Variants in ACER2 observed in about 807,000 individuals in gnomAD.
ACER2 encodes the protein alkaline ceramidase 2.
In ACER2, 26 loss-of-function variants were observed where a neutral mutation model predicts 34.7. The observed-to-expected ratio is 0.75, with a 90% CI of 0.55 to 1.04. The LOEUF is 1.04. Among genes scored for constraint, ACER2 ranks in the 50% least tolerant of loss-of-function variants. The pLI, the probability that ACER2 is intolerant of heterozygous loss-of-function variation, is 0.00. For synonymous variants in ACER2, 138 were observed against 132.1 expected (o/e 1.04, Z -0.31); for missense variants, 352 against 340.8 (o/e 1.03, Z -0.26).
intron 4 of ACER2, 101 bp downstream of exon 4, chr9:19,435,185 C>A: frequency 7.1e-7 from 1 of 1,409,498 alleles, no homozygotes; most frequent in South Asian, 1.4e-5. Context: ...GAGTTTTATT[C>A]CTTGTGAAGA....
rs1166038328 is a variant in ACER2, at chr9:19,436,000, G to T, written c.503+916G>T. On this transcript the variant is annotated intron_variant, in intron 4 of 5. Transcript: ENST00000340967. ...GGAGGCGGAGCTTGCAGTGAGCCGC[G>T]ATTGTGCCACTGCATTCCAGCCTGG... is the stretch of plus-strand genomic sequence containing the variant. Among the ~76,000 whole-genome samples, 3 of 152,074 alleles carry T rather than the reference G, an allele frequency of 2.0e-5. No homozygotes were observed. The East Asian group carries it at 5.8e-4, about 29-fold the overall frequency.
chr9:19,417,931 A>G (rs919665356), intron 1 of ACER2, among the ~76,000 whole-genome samples: 7 of 152,204 alleles, frequency 4.6e-5, no homozygotes, highest in African/African-American at 1.7e-4. Flanking sequence ...AACCTACAGA[A>G]TAGGAGAAAA....
At chr9:19,419,744 G>C (rs1368158685) in intron 1 of ACER2, among the ~76,000 whole-genome samples, 2 of 152,124 alleles carry the variant, frequency 1.3e-5, no homozygotes, top group Non-Finnish European at 2.9e-5. Context: ...GCCTGGACTA[G>C]TGACAGAGTG....
chr9:19,429,664 A>T (rs892551439), intron 3 of ACER2, among the ~76,000 whole-genome samples: 2 of 152,172 alleles, frequency 1.3e-5, no homozygotes, highest in East Asian at 1.9e-4. Context: ...TTATTCTGCT[A>T]TAGTTTTTAT....
At chr9:19,422,767 A>T (rs1830443213) in intron 1 of ACER2, among the ~76,000 whole-genome samples, 1 of 151,892 alleles carries the variant, frequency 6.6e-6, no homozygotes, top group Non-Finnish European at 1.5e-5. Context: ...GCAGTGGCTC[A>T]TGCCTATAAT....
intron 3 of ACER2, among the ~76,000 whole-genome samples, chr9:19,428,230 C>T (rs1830642208): frequency 6.6e-6 from 1 of 151,624 alleles, no homozygotes; most frequent in Non-Finnish European, 1.5e-5. Flanking sequence ...TGCAATAGTA[C>T]GATCTCGGCT....
At chr9:19,434,055 A>G (rs1830859214) in intron 3 of ACER2, among the ~76,000 whole-genome samples, 1 of 131,238 alleles carries the variant, frequency 7.6e-6, no homozygotes, top group African/African-American at 3.1e-5. Flanking sequence ...CACTTCTCAG[A>G]CGGGGCGGCC....
chr9:19,444,057 A>G (rs1162940480), intron 4 of ACER2, among the ~76,000 whole-genome samples: 2 of 151,772 alleles, frequency 1.3e-5, no homozygotes, highest in Admixed American at 6.6e-5. Context: ...AGAATGCGCT[A>G]AGGCAGGGGT....
intron 4 of ACER2, among the ~76,000 whole-genome samples, chr9:19,445,052 T>C (rs1004202805): frequency 1.3e-5 from 2 of 152,216 alleles, no homozygotes; most frequent in African/African-American, 4.8e-5. Context: ...TTAAGCTTCT[T>C]CTCAATTGCA....
chr9:19,409,228 A>C, intron 1 of ACER2, 36 bp downstream of exon 1: 1 of 1,546,938 alleles, frequency 6.5e-7, no homozygotes. Flanking sequence ...CAGGCGGGCC[A>C]GCGGGAGGGG....
chr9:19,434,562 G>A (rs1050902604), intron 3 of ACER2, among the ~76,000 whole-genome samples: 2 of 152,260 alleles, frequency 1.3e-5, no homozygotes, highest in Non-Finnish European at 2.9e-5. Flanking sequence ...CTCGCGGTTA[G>A]GAGCTGGAGA....
intron 4 of ACER2, among the ~76,000 whole-genome samples, chr9:19,435,832 G>A (rs186615048): frequency 1.3e-3 from 192 of 151,882 alleles, no homozygotes; most frequent in Middle Eastern, 6.8e-3. Flanking sequence ...GGCGGATCAC[G>A]AGGTCAGGAG....
intron 1 of ACER2, among the ~76,000 whole-genome samples, chr9:19,411,563 TTA>T (rs937894701): frequency 5.3e-5 from 8 of 150,142 alleles, no homozygotes; most frequent in African/African-American, 2.0e-4. Context: ...TACGTACTAC[TTA>T]TATTTTGATG....
intron 4 of ACER2, among the ~76,000 whole-genome samples, chr9:19,443,984 T>G (rs1000692352): frequency 6.6e-6 from 1 of 151,978 alleles, no homozygotes; most frequent in African/African-American, 2.4e-5. Flanking sequence ...GTTACACAGA[T>G]AATAAATTCA....
chr9:19,433,063 A>T (rs559018623), intron 3 of ACER2, among the ~76,000 whole-genome samples: 6 of 151,648 alleles, frequency 4.0e-5, no homozygotes, highest in African/African-American at 1.4e-4. Context: ...TACCATTCTC[A>T]TGGCCAAATA....
At chr9:19,423,068 A>T (rs145392919) in intron 1 of ACER2, among the ~76,000 whole-genome samples, 1 of 151,252 alleles carries the variant, frequency 6.6e-6, no homozygotes. Context: ...GGAGCCAGGC[A>T]TGGTGGCATG....
intron 4 of ACER2, among the ~76,000 whole-genome samples, chr9:19,435,829 C>T (rs1830946411): frequency 6.6e-6 from 1 of 151,558 alleles, no homozygotes; most frequent in Non-Finnish European, 1.5e-5. Flanking sequence ...GAGGGCGGAT[C>T]ACGAGGTCAG....
intron 1 of ACER2, among the ~76,000 whole-genome samples, chr9:19,415,211 C>T (rs982105138): frequency 2.0e-5 from 3 of 152,024 alleles, no homozygotes; most frequent in Non-Finnish European, 2.9e-5. Context: ...ACTGTTTGGG[C>T]CAGGTGTGGT....
intron 1 of ACER2, 25 bp downstream of exon 1, chr9:19,409,217 G>A (rs1376345970): frequency 1.9e-6 from 3 of 1,560,334 alleles, no homozygotes; most frequent in Non-Finnish European, 1.7e-6. Flanking sequence ...AGCGGGGAAG[G>A]CAGGCGGGCC....
Sources: gnomAD v4.1 joint callset for allele counts (sites outside exome capture counted in the v4.1 genomes callset) on GRCh38, gnomAD v4.1.1 for gene constraint, MANE v1.5 for transcripts, NCBI Gene and HGNC (gene_info 2026-07-23, HGNC 2026-07-21) for gene names.